The following ARHGAP15 variants were observed in gnomAD, a reference collection of about 807,000 sequenced individuals.
ARHGAP15 encodes Rho GTPase activating protein 15, also known as rho GTPase-activating protein 15.
ARHGAP15 carries 51 observed loss-of-function variants against 63.7 expected under a neutral mutation model. The observed-to-expected ratio is 0.80, with a 90% CI of 0.64 to 1.01. The LOEUF is 1.01. Among genes scored for constraint, ARHGAP15 ranks in the 50% least tolerant of loss-of-function variants. The probability of loss-of-function intolerance (pLI) is 0.00; values close to 1 mark genes in which losing one functional copy is unlikely to be tolerated. For missense variants in ARHGAP15, 560 were observed against 564.6 expected (o/e 0.99, Z 0.08); for synonymous variants, 191 against 193.8 (o/e 0.99, Z 0.12).
At chr2:143,322,744 T>C (rs1013416751) in intron 6 of ARHGAP15, among the ~76,000 whole-genome samples, 2 of 152,248 alleles carry the variant, frequency 1.3e-5, no homozygotes, top group South Asian at 2.1e-4. Flanking sequence ...ACTTCCCGTC[T>C]GAGTTGCATG....
At chr2:143,356,757 CA>C in intron 6 of ARHGAP15, among the ~76,000 whole-genome samples, 1 of 152,138 alleles carries the variant, frequency 6.6e-6, no homozygotes, top group East Asian at 1.9e-4. Flanking sequence ...CATGGATTTT[CA>C]TGTTGAAATA....
chr2:143,741,844 A>G (rs1407141526), intron 13 of ARHGAP15, among the ~76,000 whole-genome samples: 1 of 152,224 alleles, frequency 6.6e-6, no homozygotes, highest in Non-Finnish European at 1.5e-5. Flanking sequence ...TTTTCCAACC[A>G]GATATATGAC....
intron 6 of ARHGAP15, among the ~76,000 whole-genome samples, chr2:143,287,457 TC>T (rs1384726421): frequency 1.3e-5 from 2 of 151,788 alleles, no homozygotes; most frequent in Non-Finnish European, 2.9e-5. Flanking sequence ...AAAGTTCACT[TC>T]CAAAACAAAG....
intron 12 of ARHGAP15, among the ~76,000 whole-genome samples, chr2:143,689,614 C>T (rs981788644): frequency 6.6e-6 from 1 of 152,182 alleles, no homozygotes; most frequent in Non-Finnish European, 1.5e-5. Flanking sequence ...AATCACAGCT[C>T]TTACATTAAT....
chr2:143,546,765 A>G (rs1414203167), intron 10 of ARHGAP15, among the ~76,000 whole-genome samples: 1 of 152,198 alleles, frequency 6.6e-6, no homozygotes, highest in East Asian at 1.9e-4. Flanking sequence ...GTAGAACTAC[A>G]ACATAAAAGA....
At chr2:143,221,124 C>T (rs1692979974) in intron 4 of ARHGAP15, among the ~76,000 whole-genome samples, 1 of 152,080 alleles carries the variant, frequency 6.6e-6, no homozygotes, top group South Asian at 2.1e-4. Flanking sequence ...CCAGGTACTT[C>T]AATTGTCACT....
At chr2:143,206,541 C>A (rs1290040146) in intron 3 of ARHGAP15, among the ~76,000 whole-genome samples, 1 of 152,074 alleles carries the variant, frequency 6.6e-6, no homozygotes, top group Non-Finnish European at 1.5e-5. Context: ...AATTAGATAG[C>A]CCTTCTTTGA....
At chr2:143,613,850 G>T (rs902163313) in intron 11 of ARHGAP15, among the ~76,000 whole-genome samples, 1 of 151,788 alleles carries the variant, frequency 6.6e-6, no homozygotes, top group Non-Finnish European at 1.5e-5. Flanking sequence ...TCTTCTATAC[G>T]CCCACTCCAA....
chr2:143,317,480 G>A (rs747494998), intron 6 of ARHGAP15, among the ~76,000 whole-genome samples: 3 of 152,220 alleles, frequency 2.0e-5, no homozygotes, highest in Admixed American at 2.0e-4. Flanking sequence ...GTGGCATGAA[G>A]TAGAAGAAAG....
chr2:143,500,702 A>G (rs1693018068), intron 9 of ARHGAP15, among the ~76,000 whole-genome samples: 2 of 152,210 alleles, frequency 1.3e-5, no homozygotes, highest in African/African-American at 4.8e-5. Context: ...TGCAGACTCA[A>G]GTTGCCTTCA....
chr2:143,702,659 G>C (rs534604581), intron 12 of ARHGAP15, among the ~76,000 whole-genome samples: 1 of 152,260 alleles, frequency 6.6e-6, no homozygotes, highest in East Asian at 1.9e-4. Context: ...ATCAGTTTCA[G>C]ACTGAAACTG....
At chr2:143,556,238 A>G (rs536013428) in intron 10 of ARHGAP15, among the ~76,000 whole-genome samples, 170 bp from the exon 11 acceptor site, 2 of 152,180 alleles carry the variant, frequency 1.3e-5, no homozygotes, top group South Asian at 4.1e-4. Flanking sequence ...AAGACTGAAC[A>G]CCATGATTAC....
chr2:143,517,074 G>C (rs1693856744), intron 9 of ARHGAP15, among the ~76,000 whole-genome samples: 1 of 152,102 alleles, frequency 6.6e-6, no homozygotes, highest in African/African-American at 2.4e-5. Context: ...TCAGCCTCCT[G>C]AGTAGCTGGG....
At chr2:143,244,031 A>G (rs1384440421) in intron 5 of ARHGAP15, among the ~76,000 whole-genome samples, 9 of 152,206 alleles carry the variant, frequency 5.9e-5, no homozygotes, top group Non-Finnish European at 1.2e-4. Context: ...TTGGTATAAA[A>G]TGGAAATATT....
chr2:143,404,317 C>T (rs771607222), intron 6 of ARHGAP15, among the ~76,000 whole-genome samples: 7 of 151,652 alleles, frequency 4.6e-5, no homozygotes, highest in Middle Eastern at 3.4e-3. Flanking sequence ...TATGAAAGTC[C>T]GGAAGGCAAA....
At chr2:143,727,798 T>G (rs1685350330) in intron 13 of ARHGAP15, among the ~76,000 whole-genome samples, 1 of 152,060 alleles carries the variant, frequency 6.6e-6, no homozygotes, top group African/African-American at 2.4e-5. Flanking sequence ...GGAAACCAGA[T>G]TTTTTTTACT....
intron 6 of ARHGAP15, among the ~76,000 whole-genome samples, chr2:143,259,201 C>T (rs1680589062): frequency 6.6e-6 from 1 of 152,058 alleles, no homozygotes; most frequent in Non-Finnish European, 1.5e-5. Flanking sequence ...ATAGGGGTGG[C>T]AGAAAATTAT....
chr2:143,570,235 T>G (rs1167790328), intron 11 of ARHGAP15, among the ~76,000 whole-genome samples: 2 of 152,174 alleles, frequency 1.3e-5, no homozygotes, highest in East Asian at 3.8e-4. Flanking sequence ...AGGGCTTATC[T>G]CAAGTTCTTC....
intron 9 of ARHGAP15, among the ~76,000 whole-genome samples, chr2:143,506,479 G>A (rs991045321): frequency 6.6e-6 from 1 of 152,086 alleles, no homozygotes. Flanking sequence ...TTATATAATT[G>A]AGCATGTGAA....
Sources: gnomAD v4.1 joint callset for allele counts (sites outside exome capture counted in the v4.1 genomes callset) on GRCh38, gnomAD v4.1.1 for gene constraint, MANE v1.5 for transcripts, NCBI Gene and HGNC (gene_info 2026-07-23, HGNC 2026-07-21) for gene names.